MTHFD1: variants seen among roughly 807,000 people sequenced by gnomAD.
The protein encoded by MTHFD1 is methylenetetrahydrofolate dehydrogenase, cyclohydrolase and formyltetrahydrofolate synthetase 1.
A neutral mutation model predicts 110.3 loss-of-function variants in MTHFD1; 44 were observed. The observed-to-expected ratio is 0.40, with a 90% confidence interval of 0.31 to 0.51. The LOEUF (loss-of-function observed/expected upper bound fraction) is 0.51. Among genes scored for constraint, MTHFD1 ranks in the 20% least tolerant of loss-of-function variants. The pLI is 0.60. For synonymous variants in MTHFD1, 402 were observed against 428.8 expected (o/e 0.94, Z 0.77); for missense variants, 909 against 1,173.1 (o/e 0.77, Z 3.29).
chr14:64,416,955 T>A (rs577222164), intron 6 of MTHFD1, among the ~76,000 whole-genome samples: 1 of 152,168 alleles, frequency 6.6e-6, no homozygotes, highest in South Asian at 2.1e-4. Flanking sequence ...CACATTATTA[T>A]AAGAGTTTAT....
intron 1 of MTHFD1, among the ~76,000 whole-genome samples, chr14:64,398,236 A>G (rs1351554476): frequency 1.3e-5 from 2 of 152,198 alleles, no homozygotes; most frequent in East Asian, 3.8e-4. Flanking sequence ...TTGAAAAAAC[A>G]AAGTCACTAA....
chr14:64,457,459 C>T (rs1366380909), intron 26 of MTHFD1, among the ~76,000 whole-genome samples: 1 of 143,192 alleles, frequency 7.0e-6, no homozygotes, highest in Non-Finnish European at 1.5e-5. Context: ...TTTTCTTTTC[C>T]TTTTTTTTTT....
At chr14:64,436,992 TG>T (rs1379120106) in intron 16 of MTHFD1, among the ~76,000 whole-genome samples, 2 of 151,664 alleles carry the variant, frequency 1.3e-5, no homozygotes, top group Admixed American at 6.6e-5. Flanking sequence ...ACAGCAAGAG[TG>T]GGGGGTGTGT....
intron 2 of MTHFD1, among the ~76,000 whole-genome samples, chr14:64,409,409 G>A (rs1172706562): frequency 6.6e-6 from 1 of 152,162 alleles, no homozygotes; most frequent in Non-Finnish European, 1.5e-5. Flanking sequence ...TTCCTTACTG[G>A]CAGCAAGTGA....
At chr14:64,422,053 G>C (rs2140961143) in intron 8 of MTHFD1, among the ~76,000 whole-genome samples, 1 of 152,170 alleles carries the variant, frequency 6.6e-6, no homozygotes, top group South Asian at 2.1e-4. Context: ...CAGATAGGTA[G>C]GAAATGTTGA....
intron 1 of MTHFD1, among the ~76,000 whole-genome samples, chr14:64,397,103 T>C (rs1566552973): frequency 0.059 from 477 of 8,032 alleles, 21 homozygotes; most frequent in African/African-American, 0.23. Flanking sequence ...AGACTGCGTC[T>C]CAAAAAAAAA....
intron 22 of MTHFD1, among the ~76,000 whole-genome samples, chr14:64,446,415 C>A (rs184696802): frequency 5.9e-5 from 9 of 152,160 alleles, no homozygotes; most frequent in Admixed American, 2.0e-4. Context: ...TGGCCCAGTC[C>A]CCCTTGGAGG....
chr14:64,415,689 G>C lies in MTHFD1; in HGVS notation c.428G>C (p.Cys143Ser), dbSNP rs547825945. ...GKLARGDLND[C>S]FIPCTPKGCL... The stretch of plus-strand genomic sequence containing the variant: ...CTTGCTAGAGGTGACCTCAATGACT[G>C]TTTCATTCCTTGTACGCCTAAGGGA... Residue 143 changes from cysteine to serine, a missense_variant, in exon 6 of 28, where the codon TGT becomes TCT. Physicochemically the swap from Cys to Ser is moderately radical, Grantham distance 112. Around this residue, in one of 3 missense-constraint regions of MTHFD1, gnomAD observed 424 missense variants for 510.4 expected, o/e 0.83. Coordinates refer to ENST00000652337, the MANE Select transcript of MTHFD1 (RefSeq NM_005956.4). The C allele has an allele frequency of 1.1e-5, 17 of 1,613,972 alleles. No homozygotes were observed. The highest frequency in any genetic ancestry group is 9.9e-5 in the South Asian group (9 of 91,068).
At chr14:64,430,076 A>T (rs1376634574) in intron 12 of MTHFD1, 108 bp from the exon 13 acceptor site, 6 of 961,530 alleles carry the variant, frequency 6.2e-6, no homozygotes, top group Non-Finnish European at 1.0e-5. Context: ...TAAAAAATAA[A>T]TAAATAAATG....
At chr14:64,444,342 G>A (rs929759779) in intron 21 of MTHFD1, among the ~76,000 whole-genome samples, 5 of 151,586 alleles carry the variant, frequency 3.3e-5, no homozygotes, top group Non-Finnish European at 5.9e-5. Context: ...AGGCCCGACC[G>A]CTTCCTCTTT....
intron 11 of MTHFD1, among the ~76,000 whole-genome samples, chr14:64,427,132 T>G (rs2078125011): frequency 6.6e-6 from 1 of 151,948 alleles, no homozygotes; most frequent in Admixed American, 6.6e-5. Flanking sequence ...CATAGCTTAC[T>G]GTAGCCTGGA....
In MTHFD1 at chr14:64,453,745, G is replaced by A. The variant is rs1189486319; in HGVS notation, c.2458-9G>A. 3 of 1,551,392 alleles carry A rather than the reference G, an allele frequency of 1.9e-6. No individual in the cohort carries two copies. The highest frequency in any genetic ancestry group is 2.7e-6 in the Non-Finnish European group (3 of 1,123,956). The stretch of plus-strand genomic sequence containing the variant: ...GTCATGGTGTCCCCATCTCTTTCTT[G>A]TGCATTAGCTCCCAGTTGAGGATAA... On this transcript the variant is annotated splice_polypyrimidine_tract_variant and intron_variant, in intron 24 of 27. Transcript: ENST00000652337.
chr14:64,412,571 TC>T, intron 4 of MTHFD1, 46 bp downstream of exon 4: 1 of 1,488,022 alleles, frequency 6.7e-7, no homozygotes, highest in Non-Finnish European at 9.4e-7. Context: ...TGAAGTGGTT[TC>T]CTCTCTGGTT....
At chr14:64,408,825 G>A (rs1338514990) in intron 2 of MTHFD1, among the ~76,000 whole-genome samples, 1 of 152,048 alleles carries the variant, frequency 6.6e-6, no homozygotes, top group Non-Finnish European at 1.5e-5. Flanking sequence ...AGCGTGTACT[G>A]GTAGTCCTAG....
At chr14:64,392,631 G>A (rs2077815700) in intron 1 of MTHFD1, among the ~76,000 whole-genome samples, 1 of 152,188 alleles carries the variant, frequency 6.6e-6, no homozygotes, top group African/African-American at 2.4e-5. Flanking sequence ...TAGCTCCAGA[G>A]CCTAAGCACG....
intron 1 of MTHFD1, among the ~76,000 whole-genome samples, chr14:64,397,501 G>A (rs966610074): frequency 6.6e-6 from 1 of 151,958 alleles, no homozygotes; most frequent in Admixed American, 6.6e-5. Context: ...CACCATATTG[G>A]CCAGGCTGGT....
rs368148978 is a variant in MTHFD1 at position 64,449,040 on chromosome 14, T to C, written c.2280-405T>C. ...GGTCTCGATCTCCTGACCTCGTGAT[T>C]CTCCCACCTCGGCCTCCCAAAGTGT... On this transcript the variant is annotated intron_variant, in intron 23 of 27. Coordinates refer to ENST00000652337, the MANE Select transcript of MTHFD1 (RefSeq NM_005956.4). 3.5e-4 allele frequency: 111 copies of C among 317,740 alleles called. No homozygotes were observed. In the East Asian group the frequency reaches 3.7e-3, roughly 11 times the overall value. 19.7% of individuals were successfully genotyped at this position (317,740 alleles called of 1,614,324 possible). A position where few individuals can be genotyped will look rare whatever the true frequency, so the allele number is the denominator to read the frequency against.
intron 23 of MTHFD1, 171 bp from the exon 24 acceptor site, chr14:64,449,274 C>T: frequency 1.4e-6 from 1 of 728,478 alleles, no homozygotes; most frequent in South Asian, 1.5e-5. Flanking sequence ...GGTAACTGGC[C>T]AAAAGTCACC....
At chr14:64,454,927 A>G (rs2078443773) in intron 26 of MTHFD1, 52 bp downstream of exon 26, 1 of 1,594,816 alleles carries the variant, frequency 6.3e-7, no homozygotes, top group Non-Finnish European at 8.6e-7. Context: ...TCTCGTCTGA[A>G]GTGTGTTGCC....
Sources: allele counts gnomAD v4.1 joint callset (sites outside exome capture counted in the v4.1 genomes callset), GRCh38; gene constraint gnomAD v4.1.1; regional missense constraint gnomAD v4.1.1; transcripts MANE v1.5; gene names NCBI Gene and HGNC (gene_info 2026-07-23, HGNC 2026-07-21).